The following RNASEH2B variants were observed in gnomAD, a reference collection of about 807,000 sequenced individuals.
RNASEH2B encodes the protein ribonuclease H2 subunit B, also known as Aicardi-Goutieres syndrome 2 protein.
Under a neutral mutation model 45.0 loss-of-function variants are expected in RNASEH2B, and 36 were observed. That is an observed-to-expected ratio of 0.80 (90% CI 0.61 to 1.06). The LOEUF (loss-of-function observed/expected upper bound fraction) is 1.06, where lower values mean the gene tolerates loss of function less well. RNASEH2B is among the 50% of genes least tolerant of loss of function. The pLI, the probability that RNASEH2B is intolerant of heterozygous loss-of-function variation, is 0.00. For synonymous variants in RNASEH2B, 119 were observed against 125.7 expected, an observed-to-expected ratio of 0.95 and a Z score of 0.35; for missense variants, 361 against 360.3, an observed-to-expected ratio of 1.00 and a Z score of -0.02.
intron 1 of RNASEH2B, among the ~76,000 whole-genome samples, chr13:50,917,392 A>G (rs1170095336): frequency 6.6e-6 from 1 of 152,172 alleles, no homozygotes; most frequent in East Asian, 1.9e-4. Flanking sequence ...TGGCTTGTAT[A>G]TAGGTATAGC....
Position 50,956,624 on chromosome 13 carries a change from C to T in RNASEH2B, c.*150C>T, listed in dbSNP as rs945409736. On this transcript the variant is annotated 3_prime_UTR_variant, in exon 11 of 11. Coordinates refer to ENST00000336617, the MANE Select transcript of RNASEH2B (RefSeq NM_024570.4). ...TTTCTTTGCATTTGGTTTTTGTGTT[C>T]CTGAACAAAATATGGGAAAGTGTCT... 2.1e-5 allele frequency: 30 copies of T among 1,448,928 alleles called. No homozygotes were observed. Among genetic ancestry groups the T allele is most frequent in the Non-Finnish European group, 2.6e-5 (29 of 1,096,596 alleles). The allele number at this position is 1,448,928 out of a possible 1,614,324, so 89.8% of individuals were successfully genotyped here.
intron 5 of RNASEH2B, chr13:50,938,244 A>G (rs1951784036): frequency 6.6e-6 from 1 of 152,198 alleles, no homozygotes. Context: ...GAACATTACA[A>G]AATATTGCTG....
intron 1 of RNASEH2B, chr13:50,911,061 G>GA (rs2137871358): frequency 6.6e-6 from 1 of 152,298 alleles, no homozygotes; most frequent in Admixed American, 6.5e-5. Flanking sequence ...CATACATAAA[G>GA]TGTACGGATT....
At chr13:50,915,656 G>A (rs576546843) in intron 1 of RNASEH2B, among the ~76,000 whole-genome samples, 64 of 152,362 alleles carry the variant, frequency 4.2e-4, no homozygotes, top group African/African-American at 1.5e-3. Context: ...CTGCTTCAGA[G>A]CACAACCTCC....
At chr13:50,932,331 G>A (rs1238885064) in intron 4 of RNASEH2B, among the ~76,000 whole-genome samples, 1 of 152,196 alleles carries the variant, frequency 6.6e-6, no homozygotes, top group Non-Finnish European at 1.5e-5. Flanking sequence ...AAGGCCTTTA[G>A]CCATACCTCA....
At chr13:50,920,007 GTGTTT>G (rs201084919) in intron 1 of RNASEH2B, among the ~76,000 whole-genome samples, 39,048 of 149,584 alleles carry the variant, frequency 0.26, 5,295 homozygotes, top group African/African-American at 0.32. Flanking sequence ...TTTGTTGAGG[GTGTTT>G]TGTTTTGTTT....
At chr13:50,930,798 G>GAATC in intron 4 of RNASEH2B, 39 bp downstream of exon 4, 6 of 1,456,502 alleles carry the variant, frequency 4.1e-6, no homozygotes, top group Non-Finnish European at 5.8e-6. Context: ...TGAGGAAACA[G>GAATC]AATCAACTAT....
chr13:50,915,315 C>T (rs1879679209), intron 1 of RNASEH2B: 1 of 397,660 alleles, frequency 2.5e-6, no homozygotes, highest in Admixed American at 4.4e-5. Context: ...AAGCCATTTG[C>T]TCCAGCTCAG....
intron 3 of RNASEH2B, among the ~76,000 whole-genome samples, chr13:50,929,873 C>T (rs1051104831): frequency 2.0e-5 from 3 of 152,172 alleles, no homozygotes; most frequent in Admixed American, 2.0e-4. Flanking sequence ...ACATGGGGCA[C>T]ATATTGTGTT....
intron 1 of RNASEH2B, among the ~76,000 whole-genome samples, chr13:50,922,041 C>G (rs1951530468): frequency 6.6e-6 from 1 of 152,316 alleles, no homozygotes; most frequent in South Asian, 2.1e-4. Flanking sequence ...CCCTATTTGA[C>G]TTTTCTCACA....
At chr13:50,946,735 G>A (rs1253915318) in intron 7 of RNASEH2B, among the ~76,000 whole-genome samples, 1 of 152,094 alleles carries the variant, frequency 6.6e-6, no homozygotes, top group Non-Finnish European at 1.5e-5. Flanking sequence ...TACATATTAA[G>A]GTTCTGGGCT....
At chr13:50,931,987 C>G (rs1951686664) in intron 4 of RNASEH2B, among the ~76,000 whole-genome samples, 1 of 152,010 alleles carries the variant, frequency 6.6e-6, no homozygotes, top group Non-Finnish European at 1.5e-5. Context: ...CACACACTCC[C>G]TTTTGTTAAT....
chr13:50,930,465 C>T (rs1566080546), intron 3 of RNASEH2B, among the ~76,000 whole-genome samples: 1 of 152,204 alleles, frequency 6.6e-6, no homozygotes, highest in Admixed American at 6.5e-5. Flanking sequence ...GTTCTCCTCT[C>T]CACACAGGGA....
Position 50,944,901 on chromosome 13 carries a change from A to G in RNASEH2B, c.511-526A>G, listed in dbSNP as rs73499742. On this transcript the variant is annotated intron_variant, in intron 6 of 10. Transcript: ENST00000336617. ...CCAAGGAAAATGACATGAATAGCGA[A>G]GAGGAGTTTATACTTACTGATTATA... is the stretch of plus-strand genomic sequence containing the variant. Among the ~76,000 whole-genome samples, 927 of 152,346 alleles carry G rather than the reference A, an allele frequency of 6.1e-3. 9 individuals carry two copies. Among genetic ancestry groups the G allele is most frequent in the African/African-American group, 0.021 (883 of 41,592 alleles).
At chr13:50,960,343 A>C (rs1434045589), downstream of RNASEH2B, among the ~76,000 whole-genome samples, 1 of 152,062 alleles carries the variant, frequency 6.6e-6, no homozygotes, top group Non-Finnish European at 1.5e-5. Flanking sequence ...CTTTTATTAT[A>C]TATTTTACAT....
At chr13:50,944,821 C>T (rs1951881056) in intron 6 of RNASEH2B, among the ~76,000 whole-genome samples, 4 of 151,930 alleles carry the variant, frequency 2.6e-5, no homozygotes, top group South Asian at 2.1e-4. Flanking sequence ...TCCATGTAGG[C>T]GAAGAATGAG....
At chr13:50,919,695 C>T (rs17589753) in intron 1 of RNASEH2B, among the ~76,000 whole-genome samples, 11,839 of 152,242 alleles carry the variant, frequency 0.078, 618 homozygotes, top group Admixed American at 0.17. Context: ...AGTTTCTTTA[C>T]AGTATTATAG....
rs769173136 is a variant in RNASEH2B, at chr13:50,934,966, G to A, written c.403G>A (p.Glu135Lys). The A allele has an allele frequency of 3.1e-6, 5 of 1,613,344 alleles. No individual in the cohort carries two copies. The highest frequency in any genetic ancestry group is 3.4e-6 in the Non-Finnish European group (4 of 1,179,302). ...CTTGTTGCTGAAACTTCCTGGACTT[G>A]AGAAGTTACTTCATCATGTGACAGA... ...CILLLKLPGL[E>K]KLLHHVTEEK... The change falls in exon 5 of 11, where the codon GAG becomes AAG. Residue 135 changes from glutamate (E) to lysine (K), a missense_variant. Coordinates refer to ENST00000336617, the MANE Select transcript of RNASEH2B (RefSeq NM_024570.4).
chr13:50,967,194 A>G (rs1952173486), intron 9 of RNASEH2B, among the ~76,000 whole-genome samples: 1 of 152,200 alleles, frequency 6.6e-6, no homozygotes, highest in African/African-American at 2.4e-5. Context: ...TGCAGTGCTT[A>G]CCATGCACTA....
Sources: gnomAD v4.1 joint callset for allele counts (sites outside exome capture counted in the v4.1 genomes callset) on GRCh38, gnomAD v4.1.1 for gene constraint, MANE v1.5 for transcripts, NCBI Gene and HGNC (gene_info 2026-07-23, HGNC 2026-07-21) for gene names.